BRCA1: variants seen among roughly 807,000 people sequenced by gnomAD.
BRCA1 encodes the protein breast cancer type 1 susceptibility protein.
Under a neutral mutation model 173.7 loss-of-function variants are expected in BRCA1, and 140 were observed. That is an observed-to-expected ratio of 0.81 (90% confidence interval 0.70 to 0.93). BRCA1 has a LOEUF of 0.93. Ranked by LOEUF, BRCA1 falls within the 40% of genes least tolerant of loss-of-function variation. BRCA1 has a pLI of 0.00. For synonymous variants in BRCA1, 662 were observed against 756.0 expected (o/e 0.88, Z 2.04); for missense variants, 1,983 against 2,172.5 (o/e 0.91, Z 1.73).
intron 7 of BRCA1, among the ~76,000 whole-genome samples, chr17:43,098,013 T>A (rs1648121924): frequency 6.6e-6 from 1 of 151,434 alleles, no homozygotes; most frequent in African/African-American, 2.4e-5. Context: ...CCAGTTTGAA[T>A]TCTGAGCTCA....
chr17:43,054,586 T>G (rs182514679), intron 19 of BRCA1, among the ~76,000 whole-genome samples: 1 of 151,500 alleles, frequency 6.6e-6, no homozygotes, highest in East Asian at 2.0e-4. Flanking sequence ...AATACAAGAG[T>G]GTGCTACGAC....
chr17:43,055,563 T>A (rs1193497768), intron 19 of BRCA1, among the ~76,000 whole-genome samples: 3 of 152,208 alleles, frequency 2.0e-5, no homozygotes, highest in Admixed American at 6.5e-5. Context: ...GGCGGGCAGA[T>A]GATCTGAGGT....
rs1460481722 is a variant in BRCA1, at chr17:43,100,635, T to C, written c.442-755A>G. On this transcript the variant is annotated intron_variant, in intron 6 of 22. Transcript: ENST00000357654. Reference sequence around the variant, plus strand: ...ATATATATAACATATATATATGTTATATATATATAACATATATATAACATA... The same window carrying C: ...ATATATATAACATATATATATGTTACATATATATAACATATATATAACATA... 3.2e-4 allele frequency among the ~76,000 whole-genome samples: 26 copies of C among 80,246 alleles called. 1 individual carries two copies. Among genetic ancestry groups the C allele is most frequent in the South Asian group, 1.4e-3 (3 of 2,184 alleles). The allele number at this position is 80,246 out of a possible 152,430, so 52.6% of individuals were successfully genotyped here.
intron 1 of BRCA1, among the ~76,000 whole-genome samples, chr17:43,155,971 C>A (rs1048256499): frequency 1.3e-5 from 2 of 152,100 alleles, no homozygotes; most frequent in African/African-American, 4.8e-5. Flanking sequence ...GGTGCGGTGG[C>A]TCACACTGTA....
At chr17:43,166,001 T>C (rs1349542449) in intron 1 of BRCA1, 4 of 152,154 alleles carry the variant, frequency 2.6e-5, no homozygotes. Flanking sequence ...GACCTTGTTT[T>C]GTCTAAATTA....
intron 2 of BRCA1, chr17:43,119,018 G>T (rs571747626): frequency 1.9e-5 from 4 of 214,652 alleles, no homozygotes; most frequent in Non-Finnish European, 3.8e-5. Flanking sequence ...CATCTGCCTC[G>T]ACCGGGATTA....
At chr17:43,145,106 CA>C in intron 1 of BRCA1, 18 of 728,386 alleles carry the variant, frequency 2.5e-5, no homozygotes, top group East Asian at 5.9e-5. Flanking sequence ...CACAAAAGTG[CA>C]AAAAAAGGGA....
chr17:43,074,002 C>T (rs1049771322), intron 14 of BRCA1, among the ~76,000 whole-genome samples: 5 of 152,120 alleles, frequency 3.3e-5, no homozygotes, highest in Admixed American at 6.5e-5. Flanking sequence ...GCTGATCCAC[C>T]TGCCTCGGCC....
rs550948341 is a variant in BRCA1 at position 43,120,970 on chromosome 17, A to C, written c.80+3047T>G. ...TCCCAGCTACTCAGGAGGCTGAGGC[A>C]GGAGAAGCGCTTGAACTTGAACCTG... On this transcript the variant is annotated intron_variant, in intron 2 of 22. Coordinates refer to ENST00000357654, the MANE Select transcript of BRCA1 (RefSeq NM_007294.4). Among the ~76,000 whole-genome samples the C allele has an allele frequency of 8.6e-5, 13 of 152,006 alleles. 2 individuals are homozygous for C. Among genetic ancestry groups the C allele is most frequent in the African/African-American group, 2.9e-4 (12 of 41,472 alleles).
At chr17:43,070,619 A>C (rs1256159954) in intron 15 of BRCA1, among the ~76,000 whole-genome samples, 1 of 152,208 alleles carries the variant, frequency 6.6e-6, no homozygotes, top group Non-Finnish European at 1.5e-5. Context: ...GAATAAAACT[A>C]TACCTACTTG....
intron 11 of BRCA1, among the ~76,000 whole-genome samples, chr17:43,084,631 T>C (rs2053158130): frequency 6.6e-6 from 1 of 152,226 alleles, no homozygotes; most frequent in Non-Finnish European, 1.5e-5. Flanking sequence ...TTCTTTCTCC[T>C]GCTACACTGA....
upstream of BRCA1, among the ~76,000 whole-genome samples, chr17:43,129,982 T>A (rs2154581296): frequency 6.6e-6 from 1 of 152,298 alleles, no homozygotes; most frequent in East Asian, 1.9e-4. Context: ...AACTTGGTTC[T>A]AGGTAGAAAC....
chr17:43,124,027 ACT>A lies in BRCA1; in HGVS notation c.68_69del (p.Glu23ValfsTer17), dbSNP rs80357914. The A allele has an allele frequency of 1.2e-4, 191 of 1,612,084 alleles. No individual in the cohort carries two copies. Among genetic ancestry groups the A allele is most frequent in the Middle Eastern group, 1.6e-4 (1 of 6,078 alleles). The stretch of plus-strand genomic sequence containing the variant: ...CTTGTGCTGACTTACCAGATGGGAC[ACT>A]CTAAGATTTTCTGCATAGCATTAAT... ...NVINAMQKIL[E>X]CPICLELIKE... On this transcript the variant is annotated frameshift_variant, in exon 2 of 23. Coordinates refer to ENST00000357654, the MANE Select transcript of BRCA1 (RefSeq NM_007294.4). LOFTEE classifies it high-confidence loss of function.
rs188282099 is a variant in BRCA1, at chr17:43,165,132, A to G, written c.-20+4994T>C. 9.9e-3 allele frequency among the ~76,000 whole-genome samples: 1,510 copies of G among 152,346 alleles called. 18 individuals carry two copies. Among genetic ancestry groups the G allele is most frequent in the African/African-American group, 0.034 (1,410 of 41,568 alleles). Reference sequence around the variant, plus strand: ...AAACTTAATTTTAATAAAACCTTGTAGACATATGTATCTAATTGTTAATGT... The same window carrying G: ...AAACTTAATTTTAATAAAACCTTGTGGACATATGTATCTAATTGTTAATGT... On this transcript the variant is annotated intron_variant, in intron 1 of 7. Transcript: ENST00000634433.
At position 43,135,948 on chromosome 17, in the gene BRCA1, C is replaced by T. The variant is rs1388559080; in HGVS notation, c.-19-11833G>A. 3.3e-5 allele frequency among the ~76,000 whole-genome samples: 5 copies of T among 152,196 alleles called. No homozygotes were observed. The East Asian group carries it at 9.6e-4, about 29-fold the overall frequency. ...CCTCCAGCTGAAGATGCCAGGGCACCTCTGCTTCCTCCCTGCTCTCTGCAG... is the reference window on the plus strand; with the variant it reads ...CCTCCAGCTGAAGATGCCAGGGCACTTCTGCTTCCTCCCTGCTCTCTGCAG... On this transcript the variant is annotated intron_variant, in intron 1 of 7. Coordinates refer to the BRCA1 transcript ENST00000634433.
chr17:43,069,762 A>G (rs966615462), intron 15 of BRCA1, among the ~76,000 whole-genome samples: 3 of 152,186 alleles, frequency 2.0e-5, no homozygotes, highest in Non-Finnish European at 2.9e-5. Flanking sequence ...TATGCTAAGT[A>G]ACTACCTATG....
intron 4 of BRCA1, among the ~76,000 whole-genome samples, chr17:43,106,118 TAAAAAAA>T (rs766678487): frequency 8.0e-6 from 1 of 124,494 alleles, no homozygotes; most frequent in African/African-American, 2.9e-5. Context: ...GACCCTGTCT[TAAAAAAA>T]AAAAAAAAAA....
chr17:43,137,452 A>G (rs1488570165), intron 1 of BRCA1, among the ~76,000 whole-genome samples: 1 of 152,036 alleles, frequency 6.6e-6, no homozygotes, highest in African/African-American at 2.4e-5. Context: ...AAAAAGAATA[A>G]AAGAGGTCCC....
At chr17:43,105,324 C>G (rs1157833926) in intron 4 of BRCA1, among the ~76,000 whole-genome samples, 2 of 152,146 alleles carry the variant, frequency 1.3e-5, no homozygotes, top group Non-Finnish European at 2.9e-5. Flanking sequence ...ACTGCAGCCT[C>G]AGACTTCTGT....
Sources: gnomAD v4.1 joint callset for allele counts (sites outside exome capture counted in the v4.1 genomes callset) on GRCh38, gnomAD v4.1.1 for gene constraint, MANE v1.5 for transcripts, NCBI Gene and HGNC (gene_info 2026-07-23, HGNC 2026-07-21) for gene names.